Variants in HOXC5 observed in about 807,000 individuals in gnomAD.
HOXC5 encodes homeobox protein Hox-C5.
A neutral mutation model predicts 20.1 loss-of-function variants in HOXC5; 19 were observed. The ratio of observed to expected loss-of-function variants is 0.94; its 90% CI spans 0.66 to 1.38. The LOEUF is 1.38. HOXC5 is among the 40% of genes most tolerant of loss of function. The pLI is 0.00. For missense variants in HOXC5, 330 were observed against 300.1 expected, an observed-to-expected ratio of 1.10 and a Z score of -0.74; for synonymous variants, 124 against 117.0, an observed-to-expected ratio of 1.06 and a Z score of -0.39.
At chr12:54,031,742 G>A (rs1174700451), upstream of HOXC5, among the ~76,000 whole-genome samples, 1 of 152,174 alleles carries the variant, frequency 6.6e-6, no homozygotes, top group African/African-American at 2.4e-5. Context: ...TCTCCTGGCG[G>A]GGCGGAGATT....
chr12:54,019,046 T>C, the HOXC5 span, among the ~76,000 whole-genome samples: 1 of 152,068 alleles, frequency 6.6e-6, no homozygotes. Context: ...CGGTGAATTT[T>C]ATCTCCCCTC....
chr12:54,032,406 G>A (rs1279069276), upstream of HOXC5, among the ~76,000 whole-genome samples: 1 of 152,218 alleles, frequency 6.6e-6, no homozygotes, highest in Non-Finnish European at 1.5e-5. Flanking sequence ...TGGAGCCTTA[G>A]GGCCTGAGAG....
upstream of HOXC5, chr12:54,029,936 A>G: frequency 1.3e-6 from 2 of 1,594,382 alleles, no homozygotes; most frequent in Non-Finnish European, 1.7e-6. Flanking sequence ...GCGGGAAGAG[A>G]CAGAAGAGGA....
In HOXC5 at chr12:54,033,118, C is replaced by T; in HGVS notation, c.-5C>T. On this transcript the variant is annotated 5_prime_UTR_variant, in exon 1 of 2. Transcript: ENST00000312492. The stretch of plus-strand genomic sequence containing the variant: ...GTGCAGAAATTTTTTTGGGCCCTCC[C>T]CGCCATGAGCTCCTACGTAGCCAAT... 1 of 1,594,552 alleles carries T rather than the reference C, an allele frequency of 6.3e-7. No homozygotes were observed. The highest frequency in any genetic ancestry group is 8.6e-7 in the Non-Finnish European group (1 of 1,165,580).
At chr12:54,029,500 T>G, upstream of HOXC5, 1 of 434,818 alleles carries the variant, frequency 2.3e-6, no homozygotes, top group Non-Finnish European at 3.8e-6. Flanking sequence ...GTACCCCCAG[T>G]GGGGGTGGGG....
upstream of HOXC5, among the ~76,000 whole-genome samples, chr12:54,031,640 GA>G (rs1940991644): frequency 6.6e-6 from 1 of 152,146 alleles, no homozygotes; most frequent in Admixed American, 6.5e-5. Flanking sequence ...TCTCCGGAGG[GA>G]AAAAATCCGC....
chr12:54,034,040 C>A (rs944981244), intron 1 of HOXC5: 2 of 687,168 alleles, frequency 2.9e-6, no homozygotes, highest in East Asian at 2.9e-5. Context: ...TTCCCCCCAA[C>A]CCCCCCTCAG....
the HOXC5 span, among the ~76,000 whole-genome samples, chr12:54,018,299 G>A: frequency 1.3e-5 from 2 of 152,242 alleles, no homozygotes; most frequent in African/African-American, 4.8e-5. Flanking sequence ...GGACCGGGAT[G>A]CCCGCTCGCC....
chr12:54,034,578 G>C lies in HOXC5; in HGVS notation c.*86G>C. 2 of 1,180,480 alleles carry C rather than the reference G, an allele frequency of 1.7e-6. No individual in the cohort carries two copies. Among genetic ancestry groups the C allele is most frequent in the East Asian group, 2.5e-5 (1 of 40,642 alleles). The allele number at this position is 1,180,480 out of a possible 1,614,324, so 73.1% of individuals were successfully genotyped here. A position where few individuals can be genotyped will look rare whatever the true frequency, so the allele number is the denominator to read the frequency against. Reference sequence around the variant, plus strand: ...TTTTCGCCTTTCCTCTCTATATTTCGGGTCGGGGGCAGGTGCTGGAGCACT... The same window carrying C: ...TTTTCGCCTTTCCTCTCTATATTTCCGGTCGGGGGCAGGTGCTGGAGCACT... On this transcript the variant is annotated 3_prime_UTR_variant, in exon 2 of 2. Coordinates refer to ENST00000312492, the MANE Select transcript of HOXC5 (RefSeq NM_018953.4).
chr12:54,019,567 T>C, the HOXC5 span, among the ~76,000 whole-genome samples: 2 of 152,066 alleles, frequency 1.3e-5, no homozygotes, highest in African/African-American at 4.8e-5. Flanking sequence ...TGGCCGCTGA[T>C]GGGGGGGAAC....
chr12:54,026,705 T>C, the HOXC5 span, among the ~76,000 whole-genome samples: 1 of 152,212 alleles, frequency 6.6e-6, no homozygotes, highest in Non-Finnish European at 1.5e-5. Context: ...AACTAACATG[T>C]TGTCTCCACC....
At chr12:54,032,527 GA>G (rs1941024574), upstream of HOXC5, among the ~76,000 whole-genome samples, 1 of 152,244 alleles carries the variant, frequency 6.6e-6, no homozygotes, top group South Asian at 2.1e-4. Context: ...AGCCATTTTT[GA>G]AGATTGGAAG....
At chr12:54,029,185 GGA>G (rs1013650194), upstream of HOXC5, among the ~76,000 whole-genome samples, 1 of 152,202 alleles carries the variant, frequency 6.6e-6, no homozygotes, top group Non-Finnish European at 1.5e-5. Flanking sequence ...ATGAGGGGAG[GGA>G]GCAGAAGATA....
chr12:54,029,707 C>T (rs773485388), upstream of HOXC5: 10 of 1,614,206 alleles, frequency 6.2e-6, no homozygotes, highest in Middle Eastern at 1.6e-4. Context: ...ACTCGCGGTA[C>T]CAGACCCTGG....
upstream of HOXC5, chr12:54,028,730 A>C: frequency 6.2e-7 from 1 of 1,614,076 alleles, no homozygotes; most frequent in Non-Finnish European, 8.5e-7. Flanking sequence ...CGGGGGCCGT[A>C]TGACTATGGA....
chr12:54,028,414 G>A, upstream of HOXC5: 1 of 1,248,386 alleles, frequency 8.0e-7, no homozygotes, highest in Non-Finnish European at 1.1e-6. Flanking sequence ...TTGTCATTTT[G>A]TCTGTCCTGG....
chr12:54,034,167 T>C, intron 1 of HOXC5, 111 bp from the exon 2 acceptor site: 1 of 1,061,606 alleles, frequency 9.4e-7, no homozygotes, highest in Non-Finnish European at 1.4e-6. Context: ...GTCTTGCGGC[T>C]CTCGCCTCCT....
At chr12:54,032,988 C>T (rs1184083449), upstream of HOXC5, 9 of 696,298 alleles carry the variant, frequency 1.3e-5, no homozygotes, top group African/African-American at 5.4e-5. Context: ...TTGGGAAGAG[C>T]GCATAGGATA....
At chr12:54,021,528 A>G in the HOXC5 span, 1 of 152,204 alleles carries the variant, frequency 6.6e-6, no homozygotes, top group African/African-American at 2.4e-5. Context: ...GGAAAACCCC[A>G]TAAAAGAAAG....
Sources: allele counts gnomAD v4.1 joint callset (sites outside exome capture counted in the v4.1 genomes callset), GRCh38; gene constraint gnomAD v4.1.1; transcripts MANE v1.5; gene names NCBI Gene and HGNC (gene_info 2026-07-23, HGNC 2026-07-21).